Variants in CUBN observed in about 807,000 individuals in gnomAD.
The protein encoded by CUBN is cubilin.
In CUBN, 282 loss-of-function variants were observed where a neutral mutation model predicts 405.3. That is an observed-to-expected ratio of 0.70 (90% CI 0.63 to 0.77). The LOEUF (loss-of-function observed/expected upper bound fraction) is 0.77, where lower values mean the gene tolerates loss of function less well. CUBN is among the 30% of genes least tolerant of loss of function. The pLI, the probability that CUBN is intolerant of heterozygous loss-of-function variation, is 0.00. For missense variants in CUBN, 4,514 were observed against 4,475.2 expected (o/e 1.01, Z -0.25); for synonymous variants, 1,684 against 1,617.0 (o/e 1.04, Z -0.99).
At chr10:17,129,594 T>G in intron 1 of CUBN, 50 bp downstream of exon 1, 1 of 1,613,002 alleles carries the variant, frequency 6.2e-7, no homozygotes. Flanking sequence ...GGAAAACTGG[T>G]GAGGAATTAG....
chr10:16,840,306 T>A (rs371961619), intron 62 of CUBN, 24 bp downstream of exon 62: 1 of 1,587,532 alleles, frequency 6.3e-7, no homozygotes, highest in Non-Finnish European at 8.7e-7. Flanking sequence ...TAGATGTGAC[T>A]GCCATTCATC....
At chr10:17,102,253 C>T (rs10904877) in intron 13 of CUBN, among the ~76,000 whole-genome samples, 66,323 of 144,240 alleles carry the variant, frequency 0.46, 15,551 homozygotes, top group East Asian at 0.66. Context: ...GAGGATCCTC[C>T]TATTTATTTA....
chr10:16,825,339 G>A (rs1838743205), intron 66 of CUBN, among the ~76,000 whole-genome samples: 1 of 152,092 alleles, frequency 6.6e-6, no homozygotes, highest in African/African-American at 2.4e-5. Context: ...GGTAATGAAA[G>A]TGTCCCAAAA....
intron 56 of CUBN, among the ~76,000 whole-genome samples, chr10:16,878,481 A>G (rs1431889223): frequency 1.3e-5 from 2 of 152,192 alleles, no homozygotes; most frequent in Non-Finnish European, 2.9e-5. Flanking sequence ...TGAAACAAAC[A>G]TTCCTGTACA....
rs144627803 is a variant in CUBN, at chr10:17,105,457, G to C, written c.1230C>G (p.Ile410Met). 1 of 1,527,876 alleles carries C rather than the reference G, an allele frequency of 6.5e-7. No individual in the cohort carries two copies. Among genetic ancestry groups the C allele is most frequent in the Non-Finnish European group, 9.1e-7 (1 of 1,100,500 alleles). 94.6% of individuals were successfully genotyped at this position (1,527,876 alleles called of 1,614,324 possible). ...TCCACAGGAAAAACAAAGGACTCAC[G>C]ATGCATTGTCCATTTAGACAGGGGT... is the stretch of plus-strand genomic sequence containing the variant. The part of the protein sequence containing the change: ...LSHPCLNGQC[I>M]DTVSGYFCKC... The change falls in exon 11 of 67, where the codon ATC becomes ATG. Residue 410 changes from isoleucine to methionine, a missense_variant and splice_region_variant. Physicochemically the swap from Ile to Met is conservative, Grantham distance 10 (BLOSUM62 1). Around this residue, in one of 5 missense-constraint regions of CUBN, gnomAD observed 1,448 missense variants for 1,388.0 expected, o/e 1.04. Coordinates refer to ENST00000377833, the MANE Select transcript of CUBN (RefSeq NM_001081.4).
intron 56 of CUBN, among the ~76,000 whole-genome samples, chr10:16,878,328 A>G (rs1197895572): frequency 6.6e-6 from 1 of 152,204 alleles, no homozygotes; most frequent in African/African-American, 2.4e-5. Flanking sequence ...AGGAAAGGAA[A>G]AAAACCAGCC....
intron 6 of CUBN, chr10:17,122,542 G>A (rs754785562): frequency 9.6e-5 from 52 of 541,730 alleles, no homozygotes; most frequent in African/African-American, 7.0e-4. Context: ...TGCCAATCAC[G>A]GGAGCCTTCT....
rs557573489 is a variant in CUBN at position 16,898,917 on chromosome 10, G to A, written c.8598+79C>T. On this transcript the variant is annotated intron_variant, in intron 54 of 66. Transcript: ENST00000377833. ...GCAGCAAAATTTTCTTACTTTGAGC[G>A]ACAATGAATCATTTCTAGCTTAAAC... The A allele has an allele frequency of 1.3e-3, 1,409 of 1,109,256 alleles. 4 individuals carry two copies. Among genetic ancestry groups the A allele is most frequent in the Non-Finnish European group, 1.8e-3 (1,263 of 720,456 alleles). 68.7% of individuals were successfully genotyped at this position (1,109,256 alleles called of 1,614,324 possible). A position where few individuals can be genotyped will look rare whatever the true frequency, so the allele number is the denominator to read the frequency against.
intron 53 of CUBN, among the ~76,000 whole-genome samples, chr10:16,899,440 G>C (rs562055477): frequency 6.6e-6 from 1 of 152,312 alleles, no homozygotes; most frequent in East Asian, 1.9e-4. Flanking sequence ...GTGCCATAGA[G>C]AGGATAGATT....
chr10:16,841,096 C>A (rs1446220568), intron 60 of CUBN, 49 bp from the exon 61 acceptor site: 1 of 1,571,302 alleles, frequency 6.4e-7, no homozygotes, highest in Admixed American at 1.7e-5. Context: ...CAAAAAATTG[C>A]ATATTTCACA....
chr10:17,044,061 G>T, intron 25 of CUBN, 78 bp from the exon 26 acceptor site: 2 of 908,882 alleles, frequency 2.2e-6, no homozygotes, highest in Non-Finnish European at 3.3e-6. Context: ...GAAGAAGTGA[G>T]GAAGAAAAAA....
chr10:16,827,645 A>G (rs1244980157), intron 66 of CUBN, among the ~76,000 whole-genome samples: 1 of 152,244 alleles, frequency 6.6e-6, no homozygotes, highest in Non-Finnish European at 1.5e-5. Flanking sequence ...TCTGTCGCCC[A>G]GGCTGGAGTG....
intron 31 of CUBN, among the ~76,000 whole-genome samples, chr10:16,973,852 T>C (rs12219559): frequency 0.027 from 4,147 of 152,308 alleles, 164 homozygotes; most frequent in East Asian, 0.18. Context: ...TCACATTCCC[T>C]GGTGTATACG....
Position 16,995,534 on chromosome 10 carries a change from ATATTGCCCAGG to A in CUBN, c.4169-5030_4169-5020del, listed in dbSNP as rs368670142. On this transcript the variant is annotated intron_variant, in intron 28 of 66. Transcript: ENST00000377833. ...TTTTCTTTTGAAACAGGATCTTGCT[ATATTGCCCAGG>A]CTGGTCTTGAACTCCTAGGCTCAAG... Among the ~76,000 whole-genome samples, 348 of 151,962 alleles carry A rather than the reference ATATTGCCCAGG, an allele frequency of 2.3e-3. 3 individuals are homozygous for A. Among genetic ancestry groups the A allele is most frequent in the African/African-American group, 7.7e-3 (319 of 41,426 alleles).
intron 28 of CUBN, among the ~76,000 whole-genome samples, chr10:16,999,401 TTAACTTTA>T (rs1448579415): frequency 6.6e-6 from 1 of 152,218 alleles, no homozygotes; most frequent in African/African-American, 2.4e-5. Flanking sequence ...TTCACTTTGA[TTAACTTTA>T]TCAGTTTCCT....
intron 28 of CUBN, among the ~76,000 whole-genome samples, chr10:16,996,739 C>A (rs923634617): frequency 6.6e-6 from 1 of 152,168 alleles, no homozygotes; most frequent in Admixed American, 6.5e-5. Context: ...ATGCAGTCAG[C>A]GCTTTGCTGG....
chr10:16,892,228 A>G (rs2131404549), intron 54 of CUBN, among the ~76,000 whole-genome samples: 1 of 152,298 alleles, frequency 6.6e-6, no homozygotes, highest in South Asian at 2.1e-4. Context: ...CATCCTACTG[A>G]AGACAAATTA....
intron 10 of CUBN, among the ~76,000 whole-genome samples, chr10:17,107,788 C>T (rs538329062): frequency 1.7e-4 from 26 of 152,056 alleles, no homozygotes; most frequent in African/African-American, 3.1e-4. Flanking sequence ...TGAGCCACCG[C>T]GCCTGGCAAA....
intron 10 of CUBN, among the ~76,000 whole-genome samples, chr10:17,108,132 T>C (rs1288251852): frequency 6.6e-6 from 1 of 152,204 alleles, no homozygotes; most frequent in Admixed American, 6.5e-5. Context: ...TTTGTAATAA[T>C]ATTTGTTACA....
Sources: gnomAD v4.1 joint callset for allele counts (sites outside exome capture counted in the v4.1 genomes callset) on GRCh38, gnomAD v4.1.1 for gene constraint, gnomAD v4.1.1 regional missense constraint, MANE v1.5 for transcripts, NCBI Gene and HGNC (gene_info 2026-07-23, HGNC 2026-07-21) for gene names.